The following PCDHGB6 variants were observed in gnomAD, a reference collection of about 807,000 sequenced individuals.
PCDHGB6 encodes protocadherin gamma-B6.
PCDHGB6 carries 51 observed loss-of-function variants against 59.1 expected under a neutral mutation model. The observed-to-expected ratio is 0.86, with a 90% CI of 0.69 to 1.09. The LOEUF is 1.09. Ranked by LOEUF, PCDHGB6 falls within the 50% of genes least tolerant of loss-of-function variation. PCDHGB6 has a pLI of 0.00. For synonymous variants in PCDHGB6, 466 were observed against 495.1 expected (o/e 0.94, Z 0.78); for missense variants, 1,148 against 1,205.1 (o/e 0.95, Z 0.70).
intron 1 of PCDHGB6, among the ~76,000 whole-genome samples, chr5:141,437,716 C>T (rs575174227): frequency 1.2e-4 from 18 of 151,782 alleles, no homozygotes; most frequent in Admixed American, 1.0e-3. Flanking sequence ...CACAGTTACC[C>T]TCTAATGTTA....
intron 3 of PCDHGB6, among the ~76,000 whole-genome samples, chr5:141,510,330 C>T (rs1420880240): frequency 6.6e-6 from 1 of 151,298 alleles, no homozygotes; most frequent in Non-Finnish European, 1.5e-5. Context: ...GCACTCTTCA[C>T]CCCCACCCCA....
intron 3 of PCDHGB6, among the ~76,000 whole-genome samples, chr5:141,510,092 T>C (rs973542449): frequency 6.6e-6 from 1 of 152,138 alleles, no homozygotes; most frequent in South Asian, 2.1e-4. Flanking sequence ...TGGCACACAG[T>C]AGGTGCTCAA....
chr5:141,471,046 C>CTT (rs1170588345), intron 1 of PCDHGB6, among the ~76,000 whole-genome samples: 26 of 113,248 alleles, frequency 2.3e-4, no homozygotes, highest in Non-Finnish European at 3.0e-4. Context: ...CCCAAGCCCT[C>CTT]TTTTTTTTTT....
In PCDHGB6 at chr5:141,486,667, G is replaced by A; in HGVS notation, c.2419-8140G>A. On this transcript the variant is annotated intron_variant, in intron 1 of 3. Coordinates refer to ENST00000520790, the MANE Select transcript of PCDHGB6 (RefSeq NM_018926.3). The surrounding 1 kb of genome is among the most constrained non-coding windows in gnomAD (Gnocchi z 5.0). ...TCTCCTACTCACTCCTGGAGCCCAG[G>A]AATCGAGATGTATCAGCTTCCTCTT... 4 of 1,613,948 alleles carry A rather than the reference G, an allele frequency of 2.5e-6. No individual in the cohort carries two copies. Among genetic ancestry groups the A allele is most frequent in the Non-Finnish European group, 3.4e-6 (4 of 1,180,014 alleles).
Position 141,408,738 on chromosome 5 carries a change from C to A in PCDHGB6, c.536C>A (p.Ser179Ter). 6.2e-7 allele frequency: 1 copy of A among 1,609,632 alleles called. No individual in the cohort carries two copies. The highest frequency in any genetic ancestry group is 8.5e-7 in the Non-Finnish European group (1 of 1,177,622). The stretch of plus-strand genomic sequence containing the variant: ...AAGATAAACTCTAATCCTTATTTTT[C>A]ATTAATGGTTAGAGTTAATTCCGAT... ...DYKINSNPYFSLMVRVNSDGG... is the reference protein window; with the variant it reads ...DYKINSNPYF Residue 179 changes from serine to a stop codon, truncating the protein, a stop_gained, in exon 1 of 4, where the codon TCA becomes TAA. Coordinates refer to ENST00000520790, the MANE Select transcript of PCDHGB6 (RefSeq NM_018926.3). LOFTEE classifies it high-confidence loss of function.
At chr5:141,423,210 C>T in intron 1 of PCDHGB6, 2 of 1,613,696 alleles carry the variant, frequency 1.2e-6, no homozygotes, top group Non-Finnish European at 1.7e-6. Flanking sequence ...CCGTCACGCT[C>T]ACCGTGGCTG....
intron 1 of PCDHGB6, among the ~76,000 whole-genome samples, chr5:141,448,001 G>A (rs143950707): frequency 0.046 from 7,030 of 151,928 alleles, 245 homozygotes; most frequent in African/African-American, 0.093. Context: ...CATGAGAATC[G>A]CTTGAACCCA....
intron 1 of PCDHGB6, chr5:141,427,595 C>A: frequency 1.5e-6 from 1 of 681,870 alleles, no homozygotes; most frequent in Non-Finnish European, 2.7e-6. Flanking sequence ...CAAGCCTCAC[C>A]CTACGCATTG....
intron 1 of PCDHGB6, chr5:141,428,082 G>T (rs776612130): frequency 1.2e-6 from 2 of 1,609,030 alleles, no homozygotes; most frequent in South Asian, 2.2e-5. Flanking sequence ...GGGACACAAC[G>T]CTTGGCTGTC....
chr5:141,472,979 T>TAAAA (rs2099307936), intron 1 of PCDHGB6, among the ~76,000 whole-genome samples: 1 of 21,094 alleles, frequency 4.7e-5, no homozygotes, highest in Non-Finnish European at 9.8e-5. Context: ...AGAGTGAAAC[T>TAAAA]CAAAAAAAAA....
chr5:141,428,204 C>G, intron 1 of PCDHGB6: 2 of 1,324,722 alleles, frequency 1.5e-6, no homozygotes, highest in Non-Finnish European at 1.1e-6. Context: ...TGCGCCGCTA[C>G]GCTTCACCTA....
chr5:141,413,283 C>G (rs377443382), intron 1 of PCDHGB6: 1 of 1,613,966 alleles, frequency 6.2e-7, no homozygotes, highest in Admixed American at 1.7e-5. Context: ...GGCAGATCTC[C>G]TACTCAATTC....
At chr5:141,474,156 A>T (rs1387216017) in intron 1 of PCDHGB6, among the ~76,000 whole-genome samples, 1 of 152,244 alleles carries the variant, frequency 6.6e-6, no homozygotes, top group Non-Finnish European at 1.5e-5. Context: ...CAAGAAAATG[A>T]CAGGCCTTAT....
At chr5:141,415,255 A>G (rs908329007) in intron 1 of PCDHGB6, 1 of 1,613,620 alleles carries the variant, frequency 6.2e-7, no homozygotes, top group African/African-American at 1.3e-5. Context: ...CTCAGACCTC[A>G]CTCTGTACCT....
rs776677714 is a variant in PCDHGB6 at position 141,419,329 on chromosome 5, T to C, written c.2418+8709T>C. The C allele has an allele frequency of 7.4e-6, 12 of 1,613,842 alleles. 2 individuals carry two copies. The South Asian group carries it at 1.3e-4, about 18-fold the overall frequency. On this transcript the variant is annotated intron_variant, in intron 1 of 3. Coordinates refer to ENST00000520790, the MANE Select transcript of PCDHGB6 (RefSeq NM_018926.3). The stretch of plus-strand genomic sequence containing the variant: ...GGCTCAACGGCCGTGTCTCCTACTC[T>C]CTCATTGCCAGCGACCTGGAGTCAC...
At chr5:141,437,761 C>G (rs1200327020) in intron 1 of PCDHGB6, among the ~76,000 whole-genome samples, 3 of 144,682 alleles carry the variant, frequency 2.1e-5, no homozygotes, top group Admixed American at 7.0e-5. Flanking sequence ...TTTTTTGAGA[C>G]AGAGTCTCAA....
chr5:141,426,766 T>C (rs2096958771), intron 1 of PCDHGB6: 1 of 456,532 alleles, frequency 2.2e-6, no homozygotes, highest in South Asian at 1.5e-5. Flanking sequence ...GATGCAGATG[T>C]AGGGCCTCAC....
At chr5:141,451,624 G>A (rs1016417101) in intron 1 of PCDHGB6, among the ~76,000 whole-genome samples, 3 of 152,150 alleles carry the variant, frequency 2.0e-5, no homozygotes, top group African/African-American at 7.2e-5. Context: ...GCTCAAACCT[G>A]TAATTCCAGC....
intron 1 of PCDHGB6, among the ~76,000 whole-genome samples, chr5:141,492,862 G>A (rs2099744602): frequency 6.6e-6 from 1 of 152,198 alleles, no homozygotes. Context: ...GAGCGCCCTG[G>A]CTCTCAACCC....
Sources: allele counts gnomAD v4.1 joint callset (sites outside exome capture counted in the v4.1 genomes callset), GRCh38; gene constraint gnomAD v4.1.1; non-coding constraint Gnocchi (gnomAD v3.1); transcripts MANE v1.5; gene names NCBI Gene and HGNC (gene_info 2026-07-23, HGNC 2026-07-21).